Variants in SLC39A9 observed in about 807,000 individuals in gnomAD.
SLC39A9 encodes the protein solute carrier family 39 member 9, also known as zinc transporter ZIP9.
In SLC39A9, 14 loss-of-function variants were observed where a neutral mutation model predicts 28.4. The observed-to-expected ratio is 0.49, with a 90% CI of 0.33 to 0.77. The LOEUF is 0.77. Ranked by LOEUF, SLC39A9 falls within the 30% of genes least tolerant of loss-of-function variation. The probability of loss-of-function intolerance (pLI) is 0.02; values close to 1 mark genes in which losing one functional copy is unlikely to be tolerated. For missense variants in SLC39A9, 283 were observed against 381.1 expected, an observed-to-expected ratio of 0.74 and a Z score of 2.14; for synonymous variants, 119 against 149.6, an observed-to-expected ratio of 0.80 and a Z score of 1.49.
At chr14:69,402,719 A>T (rs1423897423) in intron 1 of SLC39A9, among the ~76,000 whole-genome samples, 1 of 152,246 alleles carries the variant, frequency 6.6e-6, no homozygotes, top group Admixed American at 6.5e-5. Flanking sequence ...AAATGCAATT[A>T]TAAGTAACTA....
At chr14:69,435,561 A>G (rs1395680448) in intron 2 of SLC39A9, among the ~76,000 whole-genome samples, 2 of 152,190 alleles carry the variant, frequency 1.3e-5, no homozygotes, top group Non-Finnish European at 2.9e-5. Context: ...TCTGTAAAGC[A>G]TCAGATAGTA....
intron 1 of SLC39A9, among the ~76,000 whole-genome samples, chr14:69,412,587 C>T (rs1883335457): frequency 1.3e-5 from 2 of 152,070 alleles, no homozygotes; most frequent in African/African-American, 4.8e-5. Context: ...TTGTTTGTAT[C>T]AGAGCCCAGT....
intron 3 of SLC39A9, among the ~76,000 whole-genome samples, chr14:69,450,172 A>T (rs1885536958): frequency 6.6e-6 from 1 of 151,898 alleles, no homozygotes. Context: ...CCGGGTGACC[A>T]TGCAAGATTC....
At chr14:69,455,963 C>T in intron 6 of SLC39A9, 97 bp downstream of exon 6, 1 of 1,407,218 alleles carries the variant, frequency 7.1e-7, no homozygotes. Flanking sequence ...ATTACTCTCT[C>T]AAACTAAAGA....
Position 69,421,874 on chromosome 14 carries a change from G to C in SLC39A9, c.97-2220G>C, listed in dbSNP as rs547068720. On this transcript the variant is annotated intron_variant, in intron 1 of 6. Transcript: ENST00000336643. Reference sequence around the variant, plus strand: ...GACTGTTGGAAAAGCGCAGTATTTGGGTGGCAATGTCCCGATTTTCCAGGT... The same window carrying C: ...GACTGTTGGAAAAGCGCAGTATTTGCGTGGCAATGTCCCGATTTTCCAGGT... Among the ~76,000 whole-genome samples, 111 of 152,290 alleles carry C rather than the reference G, an allele frequency of 7.3e-4. 1 individual carries two copies. The highest frequency in any genetic ancestry group is 2.4e-3 in the African/African-American group (100 of 41,556).
At chr14:69,441,381 T>C (rs1030406827) in intron 2 of SLC39A9, among the ~76,000 whole-genome samples, 3 of 152,230 alleles carry the variant, frequency 2.0e-5, no homozygotes, top group Non-Finnish European at 4.4e-5. Flanking sequence ...ATAAGCTTTT[T>C]GGCCTTTTGA....
chr14:69,448,214 C>CAAAAAAAAAAAAAAAAAAAAAAAAAAA (rs34195562), intron 3 of SLC39A9, among the ~76,000 whole-genome samples: 1 of 87,230 alleles, frequency 1.1e-5, no homozygotes, highest in Non-Finnish European at 2.1e-5. Flanking sequence ...GACTCTGTCT[C>CAAAAAAAAAAAAAAAAAAAAAAAAAAA]AAAAAAAAAA....
intron 1 of SLC39A9, among the ~76,000 whole-genome samples, chr14:69,410,583 C>G (rs1413852027): frequency 2.0e-5 from 3 of 152,230 alleles, no homozygotes; most frequent in Admixed American, 6.5e-5. Flanking sequence ...GCTGTAAGGA[C>G]TTGAAGAACC....
chr14:69,432,075 T>C (rs1269122163), intron 2 of SLC39A9, among the ~76,000 whole-genome samples: 6 of 152,204 alleles, frequency 3.9e-5, no homozygotes, highest in Admixed American at 2.0e-4. Flanking sequence ...TGGATAGATA[T>C]GCAGTAACGG....
chr14:69,460,928 A>T lies in SLC39A9; in HGVS notation c.*2335A>T. 1.0e-6 allele frequency: 1 copy of T among 985,604 alleles called. No individual in the cohort carries two copies. The highest frequency in any genetic ancestry group is 1.2e-6 in the Non-Finnish European group (1 of 830,076). 61.1% of individuals were successfully genotyped at this position (985,604 alleles called of 1,614,324 possible). On this transcript the variant is annotated 3_prime_UTR_variant, in exon 7 of 7. Transcript: ENST00000336643. The stretch of plus-strand genomic sequence containing the variant: ...ATCTTCAGGCAGCAGGGAACCAAGC[A>T]GCGTGGCACAGGCCTTCTTGACTGG...
rs554669707 is a variant in SLC39A9 at position 69,451,859 on chromosome 14, G to T, written c.404-1382G>T. Reference sequence around the variant, plus strand: ...ACCTCCTAGATACCTGGGACTACAGGCATGCACCACCACACTTGGCTAAAT... The same window carrying T: ...ACCTCCTAGATACCTGGGACTACAGTCATGCACCACCACACTTGGCTAAAT... On this transcript the variant is annotated intron_variant, in intron 3 of 6. Transcript: ENST00000336643. 2.0e-3 allele frequency among the ~76,000 whole-genome samples: 297 copies of T among 152,180 alleles called. 1 individual carries two copies. The highest frequency in any genetic ancestry group is 3.5e-3 in the Non-Finnish European group (236 of 68,010).
At chr14:69,407,502 T>G (rs1182653766) in intron 1 of SLC39A9, among the ~76,000 whole-genome samples, 1 of 151,736 alleles carries the variant, frequency 6.6e-6, no homozygotes, top group Non-Finnish European at 1.5e-5. Flanking sequence ...CACGCCCCAC[T>G]AATTTTGTAT....
At chr14:69,439,969 A>G (rs1374903956) in intron 2 of SLC39A9, among the ~76,000 whole-genome samples, 2 of 152,212 alleles carry the variant, frequency 1.3e-5, no homozygotes, top group Non-Finnish European at 2.9e-5. Context: ...ATAAAGGTCA[A>G]TTAAAGAGGT....
At chr14:69,453,997 C>T (rs1885738944) in intron 4 of SLC39A9, among the ~76,000 whole-genome samples, 1 of 152,186 alleles carries the variant, frequency 6.6e-6, no homozygotes, top group Admixed American at 6.5e-5. Flanking sequence ...AGCTCTGTTA[C>T]CAGTTTATAT....
In SLC39A9 at chr14:69,420,862, T is replaced by C. The variant is rs189726618; in HGVS notation, c.97-3232T>C. Among the ~76,000 whole-genome samples the C allele has an allele frequency of 4.5e-3, 688 of 152,366 alleles. 5 individuals carry two copies. Among genetic ancestry groups the C allele is most frequent in the Non-Finnish European group, 5.3e-3 (359 of 68,040 alleles). On this transcript the variant is annotated intron_variant, in intron 1 of 6. Transcript: ENST00000336643. ...CTACATCAGGTCATTTAAGGTCTTCTCTACATTGTTTATTCTCGTTAGCCA... is the reference window on the plus strand; with the variant it reads ...CTACATCAGGTCATTTAAGGTCTTCCCTACATTGTTTATTCTCGTTAGCCA...
In SLC39A9 at chr14:69,461,742, C is replaced by T; in HGVS notation, c.*3149C>T. Reference sequence around the variant, plus strand: ...ACCAGCATCGGAGTGTATTAAGCCCCTGAAACACATGGTAGCTAGGGACTG... The same window carrying T: ...ACCAGCATCGGAGTGTATTAAGCCCTTGAAACACATGGTAGCTAGGGACTG... On this transcript the variant is annotated 3_prime_UTR_variant, in exon 7 of 7. Transcript: ENST00000336643. 1.3e-6 allele frequency: 2 copies of T among 1,534,834 alleles called. No individual in the cohort carries two copies. Among genetic ancestry groups the T allele is most frequent in the Non-Finnish European group, 1.7e-6 (2 of 1,146,206 alleles).
At chr14:69,409,873 A>AT (rs1228194124) in intron 1 of SLC39A9, among the ~76,000 whole-genome samples, 2 of 152,322 alleles carry the variant, frequency 1.3e-5, no homozygotes, top group African/African-American at 4.8e-5. Flanking sequence ...TTTAAAATGC[A>AT]TTTTTACAAC....
chr14:69,460,841 A>G lies in SLC39A9; in HGVS notation c.*2248A>G, dbSNP rs1886083234. ...TTTTAAAGCTGCTGCCTCGAGAACTACTCATTTCTCTCCTGGTCAGCAGAC... is the reference window on the plus strand; with the variant it reads ...TTTTAAAGCTGCTGCCTCGAGAACTGCTCATTTCTCTCCTGGTCAGCAGAC... On this transcript the variant is annotated 3_prime_UTR_variant, in exon 7 of 7. Transcript: ENST00000336643. The G allele has an allele frequency of 6.1e-6, 6 of 985,186 alleles. No homozygotes were observed. Among genetic ancestry groups the G allele is most frequent in the Admixed American group, 6.2e-5 (1 of 16,248 alleles). The allele number at this position is 985,186 out of a possible 1,614,324, so 61.0% of individuals were successfully genotyped here.
chr14:69,412,435 AAATG>A lies in SLC39A9; in HGVS notation c.97-11658_97-11655del, dbSNP rs1566908936. Among the ~76,000 whole-genome samples the A allele has an allele frequency of 4.7e-5, 7 of 148,124 alleles. No individual in the cohort carries two copies. In the South Asian group the frequency reaches 1.5e-3, roughly 32 times the overall value. On this transcript the variant is annotated intron_variant, in intron 1 of 6. Coordinates refer to ENST00000336643, the MANE Select transcript of SLC39A9 (RefSeq NM_018375.5). Reference sequence around the variant, plus strand: ...TAAATAAATAAATAAATAAATAAATAAATGTATCTGCATGCCCCTTGAGTGAAAC... The same window carrying A: ...TAAATAAATAAATAAATAAATAAATATATCTGCATGCCCCTTGAGTGAAAC...
Sources: allele counts gnomAD v4.1 joint callset (sites outside exome capture counted in the v4.1 genomes callset), GRCh38; gene constraint gnomAD v4.1.1; transcripts MANE v1.5; gene names NCBI Gene and HGNC (gene_info 2026-07-23, HGNC 2026-07-21).